Variants in MTTP observed in about 807,000 individuals in gnomAD.
MTTP encodes microsomal triglyceride transfer protein large subunit.
A neutral mutation model predicts 90.6 loss-of-function variants in MTTP; 49 were observed. The observed-to-expected ratio is 0.54, with a 90% CI of 0.43 to 0.69. The LOEUF (loss-of-function observed/expected upper bound fraction) is 0.69. MTTP is among the 30% of genes least tolerant of loss of function. The pLI is 0.00. For synonymous variants in MTTP, 347 were observed against 384.2 expected (o/e 0.90, Z 1.13); for missense variants, 945 against 1,067.5 (o/e 0.89, Z 1.60).
chr4:99,588,632 T>C lies in MTTP; in HGVS notation c.394-1011T>C, dbSNP rs1027886091. Among the ~76,000 whole-genome samples the C allele has an allele frequency of 2.6e-5, 4 of 151,268 alleles. No homozygotes were observed. The Admixed American group carries it at 2.7e-4, about 10-fold the overall frequency. On this transcript the variant is annotated intron_variant, in intron 3 of 17. Transcript: ENST00000265517. ...CTGATGGTAACCTCAAAGCAGTGCC[T>C]GGGGCAGGTTATGCAGCAGTAGCAA...
At chr4:99,613,984 GATATATTTGCTA>G (rs1726028242) in intron 15 of MTTP, among the ~76,000 whole-genome samples, 1 of 152,056 alleles carries the variant, frequency 6.6e-6, no homozygotes, top group South Asian at 2.1e-4. Context: ...CATAAAAAAT[GATATATTTGCTA>G]AATAAAATCT....
intron 2 of MTTP, 100 bp from the exon 3 acceptor site, chr4:99,583,274 G>A: frequency 7.5e-7 from 1 of 1,330,710 alleles, no homozygotes; most frequent in South Asian, 1.3e-5. Flanking sequence ...AGAAATTGTG[G>A]CCAACTCTTT....
chr4:99,613,221 A>T, intron 15 of MTTP, 81 bp downstream of exon 15: 2 of 1,271,608 alleles, frequency 1.6e-6, no homozygotes, highest in Non-Finnish European at 2.2e-6. Context: ...TTCTTGGAGG[A>T]TACAAGACAA....
At chr4:99,566,555 G>A (rs12647527) in intron 1 of MTTP, among the ~76,000 whole-genome samples, 25,379 of 152,124 alleles carry the variant, frequency 0.17, 2,646 homozygotes, top group East Asian at 0.44. Context: ...AAACCTGAGA[G>A]TGCAATTCCT....
chr4:99,599,123 G>T (rs981766898), intron 8 of MTTP, among the ~76,000 whole-genome samples: 4 of 152,196 alleles, frequency 2.6e-5, no homozygotes, highest in African/African-American at 9.7e-5. Context: ...TTTGCAGGAA[G>T]TTAACAGGTA....
Position 99,611,431 on chromosome 4 carries a change from A to C in MTTP, c.1967A>C (p.Lys656Thr). Residue 656 changes from lysine (K) to threonine (T), a missense_variant, in exon 14 of 18, where the codon AAG (lysine) becomes ACG (threonine). By Grantham distance (78) the Lys-to-Thr change is moderately conservative. Coordinates refer to ENST00000265517, the MANE Select transcript of MTTP (RefSeq NM_001386140.1). ...SNLNIFQYIG[K>T]AGLHGSQVVI... is the part of the protein sequence containing the mutation. The stretch of plus-strand genomic sequence containing the variant: ...CTGAACATCTTTCAGTACATTGGGA[A>C]GGCTGGTCTTCACGGTAGCCAGGTA... 1 of 1,614,132 alleles carries C rather than the reference A, an allele frequency of 6.2e-7. No homozygotes were observed. The highest frequency in any genetic ancestry group is 8.5e-7 in the Non-Finnish European group (1 of 1,179,968).
chr4:99,621,384 T>TA (rs1560628170), intron 17 of MTTP, among the ~76,000 whole-genome samples, 153 bp downstream of exon 17: 1 of 151,832 alleles, frequency 6.6e-6, no homozygotes, highest in East Asian at 1.9e-4. Flanking sequence ...GAATAATTGA[T>TA]AAGGCCAAAA....
Position 99,612,826 on chromosome 4 carries a change from A to G in MTTP, c.1990-87A>G, listed in dbSNP as rs149413093. On this transcript the variant is annotated intron_variant, in intron 14 of 17. Transcript: ENST00000265517. ...TATTTAAGTTTTTGGCCCCTTGAGAAGTTCTAGCTGCAGCTCAGAAGCTTC... is the reference window on the plus strand; with the variant it reads ...TATTTAAGTTTTTGGCCCCTTGAGAGGTTCTAGCTGCAGCTCAGAAGCTTC... 922 of 1,288,858 alleles carry G rather than the reference A, an allele frequency of 7.2e-4. 9 individuals carry two copies. The African/African-American group carries it at 0.011, about 16-fold the overall frequency. 79.8% of individuals were successfully genotyped at this position (1,288,858 alleles called of 1,614,324 possible).
intron 15 of MTTP, among the ~76,000 whole-genome samples, chr4:99,616,038 C>T (rs1020352097): frequency 2.0e-5 from 3 of 151,886 alleles, no homozygotes; most frequent in African/African-American, 7.3e-5. Context: ...AACAGGCTTT[C>T]TTGTACACCA....
At chr4:99,600,454 A>G in intron 8 of MTTP, 111 bp from the exon 9 acceptor site, 1 of 1,118,786 alleles carries the variant, frequency 8.9e-7, no homozygotes, top group Non-Finnish European at 1.3e-6. Flanking sequence ...AATTAAAAAA[A>G]AAATCACTTC....
At chr4:99,575,616 T>A (rs1031821742) in intron 1 of MTTP, among the ~76,000 whole-genome samples, 6 of 152,228 alleles carry the variant, frequency 3.9e-5, no homozygotes, top group Non-Finnish European at 8.8e-5. Flanking sequence ...AAATTAATTT[T>A]AAAAATACAT....
At chr4:99,603,064 G>A (rs1016867771) in intron 10 of MTTP, among the ~76,000 whole-genome samples, 3 of 152,138 alleles carry the variant, frequency 2.0e-5, no homozygotes, top group Non-Finnish European at 4.4e-5. Context: ...TCTAGAAGAG[G>A]TTTTTAAGTG....
At chr4:99,588,254 G>A (rs905367612) in intron 3 of MTTP, among the ~76,000 whole-genome samples, 1 of 152,088 alleles carries the variant, frequency 6.6e-6, no homozygotes, top group African/African-American at 2.4e-5. Context: ...AGAAGCTATG[G>A]TTGGTTTTAA....
At chr4:99,614,992 T>C (rs886650707) in intron 15 of MTTP, among the ~76,000 whole-genome samples, 2 of 152,312 alleles carry the variant, frequency 1.3e-5, no homozygotes, top group Admixed American at 1.3e-4. Context: ...ATTGCACAAT[T>C]CCAGTTTTAA....
chr4:99,611,292 C>T (rs757912875), intron 13 of MTTP, 40 bp from the exon 14 acceptor site: 17 of 1,613,870 alleles, frequency 1.1e-5, no homozygotes, highest in Admixed American at 1.7e-5. Context: ...CTTAGCATTG[C>T]TGGAACTGCT....
chr4:99,609,046 G>A (rs111879213), intron 12 of MTTP, 69 bp downstream of exon 12: 12 of 1,378,086 alleles, frequency 8.7e-6, no homozygotes, highest in African/African-American at 5.7e-5. Flanking sequence ...TACCGATGTA[G>A]CTAATAATAA....
chr4:99,588,640 G>A (rs1725315459), intron 3 of MTTP, among the ~76,000 whole-genome samples: 1 of 150,776 alleles, frequency 6.6e-6, no homozygotes, highest in Non-Finnish European at 1.5e-5. Flanking sequence ...CCTGGGGCAG[G>A]TTATGCAGCA....
intron 1 of MTTP, among the ~76,000 whole-genome samples, chr4:99,569,798 C>T (rs552912764): frequency 6.6e-6 from 1 of 151,992 alleles, no homozygotes; most frequent in African/African-American, 2.4e-5. Context: ...AGACTGCTTC[C>T]TTTACTTACT....
At chr4:99,574,771 G>A (rs1476616489), upstream of MTTP, 3 of 1,574,948 alleles carry the variant, frequency 1.9e-6, no homozygotes, top group Non-Finnish European at 2.6e-6. Flanking sequence ...GGAGTTTGGA[G>A]TCTGACCTTT....
Sources: gnomAD v4.1 joint callset for allele counts (sites outside exome capture counted in the v4.1 genomes callset) on GRCh38, gnomAD v4.1.1 for gene constraint, MANE v1.5 for transcripts, NCBI Gene and HGNC (gene_info 2026-07-23, HGNC 2026-07-21) for gene names.